Variants in CASQ2 observed in about 807,000 individuals in gnomAD.
The protein encoded by CASQ2 is calsequestrin 2, also known as calsequestrin-2.
Under a neutral mutation model 46.5 loss-of-function variants are expected in CASQ2, and 49 were observed. That is an observed-to-expected ratio of 1.05 (90% confidence interval 0.84 to 1.34). CASQ2 has a LOEUF of 1.34. Ranked by LOEUF, CASQ2 falls within the 40% of genes most tolerant of loss-of-function variation. The pLI, the probability that CASQ2 is intolerant of heterozygous loss-of-function variation, is 0.00. For missense variants in CASQ2, 486 were observed against 481.3 expected (o/e 1.01, Z -0.09); for synonymous variants, 174 against 168.5 (o/e 1.03, Z -0.25).
chr1:115,763,170 C>T (rs1311767100), intron 1 of CASQ2, among the ~76,000 whole-genome samples: 1 of 152,072 alleles, frequency 6.6e-6, no homozygotes, highest in African/African-American at 2.4e-5. Flanking sequence ...AAAATCCAAC[C>T]CATGTCTCCA....
intron 8 of CASQ2, among the ~76,000 whole-genome samples, chr1:115,714,254 A>G (rs1025670504): frequency 2.6e-5 from 4 of 152,154 alleles, no homozygotes; most frequent in Non-Finnish European, 5.9e-5. Context: ...GTAAGTGACA[A>G]TCATCATCAT....
chr1:115,764,303 A>G (rs1420828713), intron 1 of CASQ2, among the ~76,000 whole-genome samples: 2 of 152,242 alleles, frequency 1.3e-5, no homozygotes, highest in East Asian at 3.8e-4. Flanking sequence ...TTACTGTTTA[A>G]TAATATAGAA....
At chr1:115,705,578 G>T (rs1654333884) in intron 8 of CASQ2, among the ~76,000 whole-genome samples, 1 of 152,210 alleles carries the variant, frequency 6.6e-6, no homozygotes, top group Non-Finnish European at 1.5e-5. Context: ...CCTTGGGTCA[G>T]AAAGTCAGTC....
chr1:115,738,422 T>C (rs748125806), intron 3 of CASQ2, 87 bp from the exon 4 acceptor site: 17 of 901,494 alleles, frequency 1.9e-5, no homozygotes, highest in African/African-American at 3.3e-5. Flanking sequence ...AGGGAAGTTG[T>C]AGCGGACTTT....
intron 1 of CASQ2, among the ~76,000 whole-genome samples, chr1:115,753,470 G>A (rs1013383151): frequency 3.3e-5 from 5 of 149,280 alleles, no homozygotes; most frequent in African/African-American, 9.9e-5. Context: ...GGTAAGTCAC[G>A]GGTGACCTTT....
chr1:115,715,978 T>C (rs766839487), intron 8 of CASQ2, among the ~76,000 whole-genome samples: 5 of 152,244 alleles, frequency 3.3e-5, no homozygotes, highest in Non-Finnish European at 7.3e-5. Flanking sequence ...TGTGTTCTCT[T>C]GGGCAGTTTG....
intron 10 of CASQ2, among the ~76,000 whole-genome samples, chr1:115,702,293 T>C (rs1451156347): frequency 1.3e-5 from 2 of 152,202 alleles, no homozygotes; most frequent in East Asian, 1.9e-4. Flanking sequence ...CATCCCTTTC[T>C]GTCCACTGTT....
intron 8 of CASQ2, among the ~76,000 whole-genome samples, chr1:115,713,655 C>G (rs1048633203): frequency 5.3e-5 from 8 of 152,186 alleles, no homozygotes; most frequent in Non-Finnish European, 8.8e-5. Flanking sequence ...TGGGAGGAAG[C>G]CTGACTTTTC....
At chr1:115,755,323 A>C (rs1373933331) in intron 1 of CASQ2, among the ~76,000 whole-genome samples, 1 of 150,966 alleles carries the variant, frequency 6.6e-6, no homozygotes, top group East Asian at 1.9e-4. Context: ...CCAGGCCCTG[A>C]CCTCCTCTGG....
intron 1 of CASQ2, among the ~76,000 whole-genome samples, chr1:115,747,000 C>G (rs1030377576): frequency 6.6e-6 from 1 of 152,036 alleles, no homozygotes; most frequent in Non-Finnish European, 1.5e-5. Flanking sequence ...TTGATGAAGT[C>G]CAGTTGATCA....
intron 5 of CASQ2, among the ~76,000 whole-genome samples, chr1:115,728,009 C>T (rs1047105067): frequency 6.6e-6 from 1 of 152,156 alleles, no homozygotes; most frequent in Non-Finnish European, 1.5e-5. Flanking sequence ...GTGCAACGCT[C>T]TATAGAAAAC....
chr1:115,740,523 A>G (rs988280061), intron 3 of CASQ2, among the ~76,000 whole-genome samples: 3 of 152,206 alleles, frequency 2.0e-5, no homozygotes, highest in East Asian at 3.9e-4. Context: ...ATGGCCCCCA[A>G]CAGTTTCTAG....
chr1:115,738,435 G>T, intron 3 of CASQ2, 100 bp from the exon 4 acceptor site: 1 of 812,098 alleles, frequency 1.2e-6, no homozygotes, highest in East Asian at 2.4e-5. Context: ...CGGACTTTGT[G>T]GTTGGTGCCT....
intron 8 of CASQ2, among the ~76,000 whole-genome samples, chr1:115,713,863 C>T (rs1654620743): frequency 2.6e-5 from 4 of 152,234 alleles, no homozygotes; most frequent in South Asian, 2.1e-4. Context: ...AATCTAAGCT[C>T]GATTTCCCAC....
At chr1:115,726,025 G>T (rs1336488264) in intron 6 of CASQ2, among the ~76,000 whole-genome samples, 1 of 152,206 alleles carries the variant, frequency 6.6e-6, no homozygotes, top group African/African-American at 2.4e-5. Flanking sequence ...TAGGGGAGCA[G>T]ACAGGATCTA....
Position 115,703,015 on chromosome 1 carries a change from A to G in CASQ2, c.940-20T>C, listed in dbSNP as rs1247012862. On this transcript the variant is annotated intron_variant, in intron 9 of 10. Coordinates refer to ENST00000261448, the MANE Select transcript of CASQ2 (RefSeq NM_001232.4). ...AACGAGCTGCAGCAACAAAAAAATA[A>G]GATTAGACAGCAGGCAGAGGGCATT... 1.2e-6 allele frequency: 2 copies of G among 1,600,866 alleles called. No individual in the cohort carries two copies. Among genetic ancestry groups the G allele is most frequent in the Non-Finnish European group, 1.7e-6 (2 of 1,170,816 alleles).
chr1:115,744,349 C>G (rs554481427), intron 2 of CASQ2, among the ~76,000 whole-genome samples: 1 of 152,234 alleles, frequency 6.6e-6, no homozygotes, highest in South Asian at 2.1e-4. Flanking sequence ...TGATAATGCC[C>G]AACTGGGGTT....
At chr1:115,758,961 AAT>A (rs538222412) in intron 1 of CASQ2, among the ~76,000 whole-genome samples, 72 of 152,358 alleles carry the variant, frequency 4.7e-4, no homozygotes, top group African/African-American at 1.7e-3. Context: ...GACAATATGC[AAT>A]ATGTCAGCCA....
At chr1:115,753,769 G>A (rs1298741089) in intron 1 of CASQ2, among the ~76,000 whole-genome samples, 1 of 152,122 alleles carries the variant, frequency 6.6e-6, no homozygotes, top group Non-Finnish European at 1.5e-5. Flanking sequence ...TTGTAGAGGA[G>A]AAAGACTAAT....
Sources: allele counts gnomAD v4.1 joint callset (sites outside exome capture counted in the v4.1 genomes callset), GRCh38; gene constraint gnomAD v4.1.1; transcripts MANE v1.5; gene names NCBI Gene and HGNC (gene_info 2026-07-23, HGNC 2026-07-21).